PCCA: variants seen among roughly 807,000 people sequenced by gnomAD.
PCCA encodes the protein propionyl-CoA carboxylase alpha chain, mitochondrial.
Under a neutral mutation model 101.3 loss-of-function variants are expected in PCCA, and 74 were observed. The ratio of observed to expected loss-of-function variants is 0.73; its 90% CI spans 0.61 to 0.89. The LOEUF is 0.89. Ranked by LOEUF, PCCA falls within the 40% of genes least tolerant of loss-of-function variation. The pLI, the probability that PCCA is intolerant of heterozygous loss-of-function variation, is 0.00. For synonymous variants in PCCA, 294 were observed against 313.6 expected (o/e 0.94, Z 0.66); for missense variants, 891 against 907.0 (o/e 0.98, Z 0.23).
At chr13:100,199,520 G>A (rs1186854845) in intron 6 of PCCA, among the ~76,000 whole-genome samples, 2 of 152,124 alleles carry the variant, frequency 1.3e-5, no homozygotes, top group Non-Finnish European at 2.9e-5. Flanking sequence ...TAGCTCAGTG[G>A]TTTCCCCCAT....
chr13:100,099,388 G>C (rs1566461953), intron 1 of PCCA, among the ~76,000 whole-genome samples: 1 of 150,026 alleles, frequency 6.7e-6, no homozygotes. Flanking sequence ...CGTGATCTCG[G>C]CTCACTACAA....
At chr13:100,364,606 A>G (rs1192113579) in intron 18 of PCCA, among the ~76,000 whole-genome samples, 1 of 152,132 alleles carries the variant, frequency 6.6e-6, no homozygotes, top group Non-Finnish European at 1.5e-5. Flanking sequence ...TTTCAAACTT[A>G]TGTCAAGCCA....
chr13:100,413,508 G>C (rs1383117862), intron 19 of PCCA, among the ~76,000 whole-genome samples: 1 of 152,152 alleles, frequency 6.6e-6, no homozygotes, highest in African/African-American at 2.4e-5. Context: ...GTAAAAGTAG[G>C]CATGCTTGGA....
chr13:100,240,934 A>G (rs889125868), intron 8 of PCCA, among the ~76,000 whole-genome samples: 1 of 111,620 alleles, frequency 9.0e-6, no homozygotes, highest in African/African-American at 3.0e-5. Flanking sequence ...TGACATATGC[A>G]TATATATATA....
intron 7 of PCCA, among the ~76,000 whole-genome samples, chr13:100,214,228 AT>A (rs199575872): frequency 2.3e-4 from 34 of 150,486 alleles, no homozygotes; most frequent in Non-Finnish European, 4.4e-4. Context: ...AAATTTTAGG[AT>A]TTTTTTTTCT....
At chr13:100,456,800 G>T (rs534172250) in intron 21 of PCCA, among the ~76,000 whole-genome samples, 1 of 152,316 alleles carries the variant, frequency 6.6e-6, no homozygotes, top group Non-Finnish European at 1.5e-5. Context: ...GAACATGAAA[G>T]TGGACAAGGA....
intron 19 of PCCA, among the ~76,000 whole-genome samples, chr13:100,402,635 G>C (rs1270268615): frequency 2.0e-5 from 3 of 152,108 alleles, no homozygotes; most frequent in African/African-American, 7.2e-5. Context: ...GGCTTACTCT[G>C]ATAAGTACAT....
chr13:100,301,418 C>T, intron 12 of PCCA, 42 bp from the exon 13 acceptor site: 3 of 1,609,614 alleles, frequency 1.9e-6, no homozygotes, highest in Non-Finnish European at 2.6e-6. Flanking sequence ...TATTTATTTA[C>T]CCTTTTCTAC....
rs540477527 is a variant in PCCA, at chr13:100,439,772, C to T, written c.1846-9480C>T. Among the ~76,000 whole-genome samples, 7 of 152,180 alleles carry T rather than the reference C, an allele frequency of 4.6e-5. No homozygotes were observed. The East Asian group carries it at 1.4e-3, about 29-fold the overall frequency. Reference sequence around the variant, plus strand: ...GTATGGCGTGATTTCTTCTATCCACCTGCTCACAGCAGGTTGCCTTCAGGC... The same window carrying T: ...GTATGGCGTGATTTCTTCTATCCACTTGCTCACAGCAGGTTGCCTTCAGGC... On this transcript the variant is annotated intron_variant, in intron 20 of 23. Coordinates refer to ENST00000376285, the MANE Select transcript of PCCA (RefSeq NM_000282.4).
intron 9 of PCCA, among the ~76,000 whole-genome samples, chr13:100,261,339 C>G (rs1162089851): frequency 1.3e-5 from 2 of 151,030 alleles, no homozygotes; most frequent in Admixed American, 1.3e-4. Flanking sequence ...TTTAGGCAAG[C>G]AAGTTTGGGT....
intron 21 of PCCA, among the ~76,000 whole-genome samples, chr13:100,459,585 T>C (rs1270542786): frequency 2.6e-5 from 4 of 152,196 alleles, no homozygotes; most frequent in Admixed American, 1.3e-4. Flanking sequence ...AACTATCCTA[T>C]GGTAATAACT....
intron 6 of PCCA, among the ~76,000 whole-genome samples, chr13:100,162,001 T>C (rs2054526685): frequency 6.6e-6 from 1 of 152,136 alleles, no homozygotes; most frequent in Admixed American, 6.6e-5. Flanking sequence ...TTTCTTTCCA[T>C]CTTTGAACCT....
intron 12 of PCCA, among the ~76,000 whole-genome samples, chr13:100,282,334 C>T (rs1178795103): frequency 6.6e-6 from 1 of 152,258 alleles, no homozygotes. Flanking sequence ...TGCCTGGGCT[C>T]CAACTTTGGC....
intron 19 of PCCA, among the ~76,000 whole-genome samples, chr13:100,390,836 T>C (rs1352938156): frequency 1.3e-5 from 2 of 152,194 alleles, no homozygotes; most frequent in Non-Finnish European, 2.9e-5. Flanking sequence ...CATTGAGATA[T>C]GCGGACAAGT....
At chr13:100,458,294 T>TACACACACAC (rs57961819) in intron 21 of PCCA, among the ~76,000 whole-genome samples, 19 of 86,520 alleles carry the variant, frequency 2.2e-4, no homozygotes, top group Middle Eastern at 7.6e-3. Context: ...ACCCCATCTC[T>TACACACACAC]ACACACACAC....
intron 21 of PCCA, among the ~76,000 whole-genome samples, chr13:100,510,082 C>A (rs569211237): frequency 2.0e-5 from 3 of 152,126 alleles, no homozygotes; most frequent in Admixed American, 1.3e-4. Flanking sequence ...TTCTGGCAGC[C>A]GGAACTTCTA....
intron 12 of PCCA, among the ~76,000 whole-genome samples, chr13:100,294,707 G>A (rs2065389564): frequency 6.6e-6 from 1 of 152,268 alleles, no homozygotes; most frequent in Non-Finnish European, 1.5e-5. Context: ...TTTTAGTGCT[G>A]TTGGACTATT....
chr13:100,210,757 G>A (rs2059162198), intron 7 of PCCA, among the ~76,000 whole-genome samples: 1 of 152,122 alleles, frequency 6.6e-6, no homozygotes, highest in African/African-American at 2.4e-5. Flanking sequence ...ATTTCGTATT[G>A]TTACTTTTGG....
intron 19 of PCCA, among the ~76,000 whole-genome samples, chr13:100,401,684 C>T (rs1567070580): frequency 1.3e-5 from 2 of 152,062 alleles, no homozygotes; most frequent in East Asian, 3.9e-4. Flanking sequence ...TCAGTTTGGC[C>T]ATGTTCTGTG....
Sources: allele counts gnomAD v4.1 joint callset (sites outside exome capture counted in the v4.1 genomes callset), GRCh38; gene constraint gnomAD v4.1.1; transcripts MANE v1.5; gene names NCBI Gene and HGNC (gene_info 2026-07-23, HGNC 2026-07-21).